Variants in SUCLA2 observed in about 807,000 individuals in gnomAD.
SUCLA2 encodes succinate-CoA ligase ADP-forming subunit beta, also known as succinate--CoA ligase [ADP-forming] subunit beta, mitochondrial.
A neutral mutation model predicts 54.8 loss-of-function variants in SUCLA2; 30 were observed. The observed-to-expected ratio is 0.55, with a 90% CI of 0.41 to 0.74. The LOEUF is 0.74. Ranked by LOEUF, SUCLA2 falls within the 30% of genes least tolerant of loss-of-function variation. The pLI, the probability that SUCLA2 is intolerant of heterozygous loss-of-function variation, is 0.00. For missense variants in SUCLA2, 476 were observed against 562.9 expected (o/e 0.85, Z 1.56); for synonymous variants, 172 against 188.9 (o/e 0.91, Z 0.74).
intron 4 of SUCLA2, among the ~76,000 whole-genome samples, chr13:47,981,098 T>A (rs1950057537): frequency 6.6e-6 from 1 of 151,990 alleles, no homozygotes; most frequent in Non-Finnish European, 1.5e-5. Flanking sequence ...AATTGACAAA[T>A]GGAACTCTAT....
At chr13:47,961,868 G>A (rs1477285765) in intron 6 of SUCLA2, among the ~76,000 whole-genome samples, 1 of 152,122 alleles carries the variant, frequency 6.6e-6, no homozygotes, top group Non-Finnish European at 1.5e-5. Context: ...TCCTCAAAAA[G>A]TGACTTATAA....
intron 4 of SUCLA2, among the ~76,000 whole-genome samples, chr13:47,985,540 A>T (rs1429480325): frequency 2.0e-5 from 3 of 152,124 alleles, no homozygotes; most frequent in Non-Finnish European, 4.4e-5. Flanking sequence ...TTCCAACTCC[A>T]TCCATATCCC....
intron 2 of SUCLA2, among the ~76,000 whole-genome samples, chr13:47,995,563 C>G (rs192338951): frequency 1.4e-4 from 22 of 152,100 alleles, no homozygotes; most frequent in African/African-American, 5.1e-4. Flanking sequence ...ATTCTAGATA[C>G]AAATAAGTAC....
chr13:47,979,817 G>C (rs1283964020), intron 4 of SUCLA2, among the ~76,000 whole-genome samples: 1 of 152,050 alleles, frequency 6.6e-6, no homozygotes, highest in East Asian at 1.9e-4. Context: ...CATCCAAAGA[G>C]AAAAGGAAAG....
At position 47,968,189 on chromosome 13, in the gene SUCLA2, C is replaced by G. The variant is rs1018504233; in HGVS notation, c.802+406G>C. Among the ~76,000 whole-genome samples, 6 of 152,286 alleles carry G rather than the reference C, an allele frequency of 3.9e-5. No homozygotes were observed. The East Asian group carries it at 9.6e-4, about 24-fold the overall frequency. ...AACCTTCTGCAATGATGGGAATGTT[C>G]TGTGTGTGTGCTCTTTTAATATGGT... On this transcript the variant is annotated intron_variant, in intron 6 of 10. Coordinates refer to ENST00000646932, the MANE Select transcript of SUCLA2 (RefSeq NM_003850.3).
intron 8 of SUCLA2, among the ~76,000 whole-genome samples, chr13:47,951,354 C>T (rs1051664342): frequency 3.6e-5 from 5 of 139,052 alleles, no homozygotes; most frequent in Non-Finnish European, 7.8e-5. Context: ...TCCCTCAATC[C>T]CTCTCTAATC....
At chr13:47,978,965 A>G (rs1408519474) in intron 4 of SUCLA2, among the ~76,000 whole-genome samples, 1 of 152,262 alleles carries the variant, frequency 6.6e-6, no homozygotes, top group Non-Finnish European at 1.5e-5. Context: ...CCACAATGTG[A>G]TAGCATCTCA....
chr13:47,944,310 G>C (rs988124621), intron 10 of SUCLA2, among the ~76,000 whole-genome samples: 1 of 152,078 alleles, frequency 6.6e-6, no homozygotes, highest in African/African-American at 2.4e-5. Flanking sequence ...AGTAGTAACT[G>C]CTAATATCAT....
rs117930917 is a variant in SUCLA2 at position 47,967,997 on chromosome 13, T to C, written c.802+598A>G. Reference sequence around the variant, plus strand: ...AAAAAAGATTGACATCCCTAATATATAAAGACCCCATATACATAAAGAGTT... The same window carrying C: ...AAAAAAGATTGACATCCCTAATATACAAAGACCCCATATACATAAAGAGTT... On this transcript the variant is annotated intron_variant, in intron 6 of 10. Transcript: ENST00000646932. 2.1e-3 allele frequency among the ~76,000 whole-genome samples: 320 copies of C among 152,170 alleles called. 2 individuals are homozygous for C. The highest frequency in any genetic ancestry group is 6.0e-3 in the South Asian group (29 of 4,822).
chr13:47,952,581 CTA>C (rs1409275101), intron 8 of SUCLA2, among the ~76,000 whole-genome samples: 1 of 152,072 alleles, frequency 6.6e-6, no homozygotes, highest in Admixed American at 6.6e-5. Flanking sequence ...ACCAACCCTT[CTA>C]TGAGGCTCCC....
At chr13:47,985,957 T>C (rs1950099778) in intron 4 of SUCLA2, among the ~76,000 whole-genome samples, 1 of 151,970 alleles carries the variant, frequency 6.6e-6, no homozygotes, top group Admixed American at 6.6e-5. Flanking sequence ...TATCTCATTG[T>C]GGTTTTGATT....
In SUCLA2 at chr13:47,989,289, T is replaced by G. The variant is rs554531723; in HGVS notation, c.272-308A>C. Among the ~76,000 whole-genome samples, 5 of 151,358 alleles carry G rather than the reference T, an allele frequency of 3.3e-5. No individual in the cohort carries two copies. In the East Asian group the frequency reaches 9.8e-4, roughly 30 times the overall value. ...GCAGTGGCGCGATCTCGGCTCACTG[T>G]AAGCTCCGCCTCCCAGGTTCACGCC... On this transcript the variant is annotated intron_variant, in intron 2 of 10. Transcript: ENST00000646932.
At chr13:47,975,815 G>A (rs1950007546) in intron 4 of SUCLA2, among the ~76,000 whole-genome samples, 1 of 152,166 alleles carries the variant, frequency 6.6e-6, no homozygotes, top group South Asian at 2.1e-4. Flanking sequence ...TTACACTAAG[G>A]AGATGACTCA....
At chr13:47,954,870 C>G (rs1949807024) in intron 6 of SUCLA2, among the ~76,000 whole-genome samples, 1 of 151,872 alleles carries the variant, frequency 6.6e-6, no homozygotes, top group Non-Finnish European at 1.5e-5. Context: ...GTAGCTAACC[C>G]CATCACTTGG....
chr13:47,975,993 T>A lies in SUCLA2; in HGVS notation c.535-2601A>T, dbSNP rs1313379742. The stretch of plus-strand genomic sequence containing the variant: ...TGGGTGTGGTGGCTCACATCTGTAA[T>A]CCTAGCACTTTGGGAAGCCAACGCA... On this transcript the variant is annotated intron_variant, in intron 4 of 10. Transcript: ENST00000646932. Among the ~76,000 whole-genome samples the A allele has an allele frequency of 1.3e-5, 2 of 152,186 alleles. 1 individual carries two copies. Among genetic ancestry groups the A allele is most frequent in the Non-Finnish European group, 2.9e-5 (2 of 68,032 alleles).
intron 5 of SUCLA2, among the ~76,000 whole-genome samples, chr13:47,970,061 C>G (rs1949949996): frequency 6.6e-6 from 1 of 151,256 alleles, no homozygotes; most frequent in African/African-American, 2.4e-5. Context: ...GAGATCACAC[C>G]ACTGCACTCC....
At chr13:47,978,319 T>A (rs897845087) in intron 4 of SUCLA2, among the ~76,000 whole-genome samples, 2 of 152,174 alleles carry the variant, frequency 1.3e-5, no homozygotes, top group Non-Finnish European at 2.9e-5. Context: ...AAAACAGATA[T>A]ATAGACCAGT....
chr13:47,967,844 G>C (rs1432149866), intron 6 of SUCLA2, among the ~76,000 whole-genome samples: 2 of 47,732 alleles, frequency 4.2e-5, no homozygotes, highest in Non-Finnish European at 7.2e-5. Context: ...GCAAGACTCA[G>C]TCTCAAAAAA....
chr13:47,943,555 T>A, intron 10 of SUCLA2, 110 bp from the exon 11 acceptor site: 1 of 912,904 alleles, frequency 1.1e-6, no homozygotes, highest in Non-Finnish European at 1.8e-6. Flanking sequence ...TGGACTATTC[T>A]GACATTGCTA....
Sources: allele counts gnomAD v4.1 joint callset (sites outside exome capture counted in the v4.1 genomes callset), GRCh38; gene constraint gnomAD v4.1.1; transcripts MANE v1.5; gene names NCBI Gene and HGNC (gene_info 2026-07-23, HGNC 2026-07-21).